SLC25A21: variants seen among roughly 807,000 people sequenced by gnomAD.
The protein encoded by SLC25A21 is solute carrier family 25 member 21.
Under a neutral mutation model 43.8 loss-of-function variants are expected in SLC25A21, and 47 were observed. That is an observed-to-expected ratio of 1.07 (90% CI 0.85 to 1.37). The LOEUF (loss-of-function observed/expected upper bound fraction) is 1.37, where lower values mean the gene tolerates loss of function less well. Among genes scored for constraint, SLC25A21 ranks in the 40% most tolerant of loss-of-function variants. The pLI, the probability that SLC25A21 is intolerant of heterozygous loss-of-function variation, is 0.00. For missense variants in SLC25A21, 352 were observed against 350.2 expected, an observed-to-expected ratio of 1.00 and a Z score of -0.04; for synonymous variants, 131 against 121.3, an observed-to-expected ratio of 1.08 and a Z score of -0.52.
chr14:36,911,419 G>A (rs1467883347), intron 1 of SLC25A21, among the ~76,000 whole-genome samples: 4 of 152,152 alleles, frequency 2.6e-5, no homozygotes, highest in Non-Finnish European at 4.4e-5. Context: ...TGTTATTTTG[G>A]AGGTCCCCAG....
chr14:37,030,920 C>T (rs1276347735), intron 1 of SLC25A21, among the ~76,000 whole-genome samples: 1 of 152,150 alleles, frequency 6.6e-6, no homozygotes, highest in Admixed American at 6.5e-5. Flanking sequence ...TGCTTTTCTA[C>T]CTCCTTTGTT....
At chr14:36,897,249 T>C (rs958327366) in intron 1 of SLC25A21, among the ~76,000 whole-genome samples, 2 of 152,210 alleles carry the variant, frequency 1.3e-5, no homozygotes, top group African/African-American at 4.8e-5. Context: ...TTTTTATTCT[T>C]TTTTCTCTAA....
chr14:36,938,256 G>A lies in SLC25A21; in HGVS notation c.71-63252C>T, dbSNP rs12435830. Reference sequence around the variant, plus strand: ...TAGATTTCAATTTAAACAGACTCACGTATGGTAACAAATCAACTCCCCTAG... The same window carrying A: ...TAGATTTCAATTTAAACAGACTCACATATGGTAACAAATCAACTCCCCTAG... On this transcript the variant is annotated intron_variant, in intron 1 of 9. Coordinates refer to ENST00000331299, the MANE Select transcript of SLC25A21 (RefSeq NM_030631.4). Among the ~76,000 whole-genome samples the A allele has an allele frequency of 4.3e-3, 648 of 152,204 alleles. 3 individuals carry two copies. The highest frequency in any genetic ancestry group is 0.027 in the Middle Eastern group (8 of 294).
intron 5 of SLC25A21, among the ~76,000 whole-genome samples, chr14:36,726,034 C>T (rs1234277757): frequency 1.3e-5 from 2 of 152,114 alleles, no homozygotes; most frequent in Non-Finnish European, 2.9e-5. Flanking sequence ...AAAAAGAGAG[C>T]TTCATTTTTA....
chr14:37,014,868 T>C (rs575812208), intron 1 of SLC25A21, among the ~76,000 whole-genome samples: 2 of 152,204 alleles, frequency 1.3e-5, no homozygotes, highest in East Asian at 3.9e-4. Flanking sequence ...GGCTCTTGAG[T>C]GACCAGGTGC....
intron 1 of SLC25A21, among the ~76,000 whole-genome samples, chr14:36,910,149 A>G (rs1000801891): frequency 6.6e-6 from 1 of 152,166 alleles, no homozygotes; most frequent in Non-Finnish European, 1.5e-5. Flanking sequence ...TATTTATAAA[A>G]ACTAGGAGCC....
Position 36,935,805 on chromosome 14 carries a change from C to T in SLC25A21, c.71-60801G>A, listed in dbSNP as rs8019996. On this transcript the variant is annotated intron_variant, in intron 1 of 9. Coordinates refer to ENST00000331299, the MANE Select transcript of SLC25A21 (RefSeq NM_030631.4). Reference sequence around the variant, plus strand: ...AAAAGTGTATATATGGTCCCACATTCCTTTCAATCATCCTCTCCATTTTTA... The same window carrying T: ...AAAAGTGTATATATGGTCCCACATTTCTTTCAATCATCCTCTCCATTTTTA... 4.0e-3 allele frequency among the ~76,000 whole-genome samples: 608 copies of T among 152,240 alleles called. 6 individuals carry two copies. Among genetic ancestry groups the T allele is most frequent in the African/African-American group, 0.014 (576 of 41,542 alleles).
At chr14:36,838,059 T>C (rs1889267081) in intron 2 of SLC25A21, among the ~76,000 whole-genome samples, 1 of 152,178 alleles carries the variant, frequency 6.6e-6, no homozygotes, top group Admixed American at 6.5e-5. Context: ...TTCATGGTCA[T>C]GGTCCTTGAA....
chr14:36,873,952 G>C (rs1253563819), intron 2 of SLC25A21, among the ~76,000 whole-genome samples: 2 of 152,102 alleles, frequency 1.3e-5, no homozygotes, highest in African/African-American at 4.8e-5. Flanking sequence ...ATGAATGTCT[G>C]TTGTTTAAGC....
chr14:36,842,756 C>A (rs900258154), intron 2 of SLC25A21, among the ~76,000 whole-genome samples: 2 of 152,078 alleles, frequency 1.3e-5, no homozygotes, highest in Non-Finnish European at 2.9e-5. Context: ...GACATGATGG[C>A]ATTTCAAAGG....
intron 1 of SLC25A21, among the ~76,000 whole-genome samples, chr14:36,928,287 A>G (rs1198450460): frequency 6.6e-6 from 1 of 152,210 alleles, no homozygotes; most frequent in African/African-American, 2.4e-5. Flanking sequence ...TCCAAAGAGG[A>G]CTGATTTACT....
chr14:37,043,340 G>A (rs1042668949), intron 1 of SLC25A21, among the ~76,000 whole-genome samples: 1 of 152,162 alleles, frequency 6.6e-6, no homozygotes, highest in Non-Finnish European at 1.5e-5. Flanking sequence ...GAACTCCCCA[G>A]AATAAGGCCA....
At chr14:36,760,482 C>T (rs1181130023) in intron 3 of SLC25A21, among the ~76,000 whole-genome samples, 3 of 152,110 alleles carry the variant, frequency 2.0e-5, no homozygotes. Flanking sequence ...TTGGTCCCTA[C>T]TGACCAAGGC....
chr14:36,747,387 T>C (rs950019584), intron 3 of SLC25A21, among the ~76,000 whole-genome samples: 11 of 152,188 alleles, frequency 7.2e-5, no homozygotes, highest in African/African-American at 2.7e-4. Context: ...GCATTACTAG[T>C]GGAAGAAAGA....
At chr14:36,681,458 G>C (rs931434134) in intron 9 of SLC25A21, among the ~76,000 whole-genome samples, 21 of 152,318 alleles carry the variant, frequency 1.4e-4, no homozygotes, top group South Asian at 6.2e-4. Context: ...AGGCACTGAG[G>C]CTGCTGAATA....
Position 36,735,581 on chromosome 14 carries a change from C to T in SLC25A21, c.204-1008G>A, listed in dbSNP as rs77265238. Among the ~76,000 whole-genome samples, 445 of 152,284 alleles carry T rather than the reference C, an allele frequency of 2.9e-3. 1 individual carries two copies. The highest frequency in any genetic ancestry group is 0.01 in the African/African-American group (421 of 41,564). ...TAAACTGGGTCCACTTCTAGCTGTG[C>T]TTCTGGGAACAAGAAGTTGAGAATT... On this transcript the variant is annotated intron_variant, in intron 3 of 9. Transcript: ENST00000331299.
At chr14:36,982,583 G>C (rs943140381) in intron 1 of SLC25A21, among the ~76,000 whole-genome samples, 3 of 152,106 alleles carry the variant, frequency 2.0e-5, no homozygotes, top group African/African-American at 7.2e-5. Context: ...GGGAGGCCAA[G>C]GCAGATGGAT....
At chr14:36,960,361 A>T (rs1476365064) in intron 1 of SLC25A21, among the ~76,000 whole-genome samples, 5 of 152,126 alleles carry the variant, frequency 3.3e-5, no homozygotes, top group African/African-American at 1.2e-4. Flanking sequence ...CTTTCATAAA[A>T]CTGAGAACTA....
At chr14:36,750,891 C>T (rs968605515) in intron 3 of SLC25A21, among the ~76,000 whole-genome samples, 6 of 152,104 alleles carry the variant, frequency 3.9e-5, no homozygotes, top group African/African-American at 1.2e-4. Flanking sequence ...GAGCCAAAGA[C>T]TGCTGATTGT....
Sources: allele counts gnomAD v4.1 joint callset (sites outside exome capture counted in the v4.1 genomes callset), GRCh38; gene constraint gnomAD v4.1.1; transcripts MANE v1.5; gene names NCBI Gene and HGNC (gene_info 2026-07-23, HGNC 2026-07-21).